Variants in SP140 observed in about 807,000 individuals in gnomAD.
SP140 encodes the protein nuclear body protein SP140.
SP140 carries 81 observed loss-of-function variants against 125.0 expected under a neutral mutation model. That is an observed-to-expected ratio of 0.65 (90% CI 0.54 to 0.78). SP140 has a LOEUF of 0.78. Among genes scored for constraint, SP140 ranks in the 30% least tolerant of loss-of-function variants. The pLI is 0.00. For synonymous variants in SP140, 312 were observed against 354.0 expected (o/e 0.88, Z 1.33); for missense variants, 858 against 1,037.0 (o/e 0.83, Z 2.37).
Position 230,294,275 on chromosome 2 carries a change from G to T in SP140, c.1973G>T (p.Gly658Val). The change falls in exon 21 of 27, where the codon GGA (glycine) becomes GTA (valine). Residue 658 changes from glycine to valine, a missense_variant. By Grantham distance (109) the Gly-to-Val change is moderately radical. Transcript: ENST00000392045. ...GWPLRWLMENGFLPDPPRIRY... is the reference protein window; with the variant it reads ...GWPLRWLMENVFLPDPPRIRY... ...CTGAATCTTTTTGTCTTTCAGAATG[G>T]ATTTCTGCCTGATCCTCCAAGAATA... 1 of 1,613,220 alleles carries T rather than the reference G, an allele frequency of 6.2e-7. No homozygotes were observed. Among genetic ancestry groups the T allele is most frequent in the Non-Finnish European group, 8.5e-7 (1 of 1,179,250 alleles).
At chr2:230,313,447 C>T (rs1377770219), downstream of SP140, among the ~76,000 whole-genome samples, 9 of 152,180 alleles carry the variant, frequency 5.9e-5, no homozygotes, top group South Asian at 6.2e-4. Context: ...AGTGACACCC[C>T]GTGGCCTGAG....
the SP140 span, among the ~76,000 whole-genome samples, chr2:230,192,707 A>G: frequency 1.3e-5 from 2 of 152,238 alleles, no homozygotes; most frequent in Admixed American, 6.5e-5. Flanking sequence ...CATACTGCCC[A>G]AAGTAATTTA....
At chr2:230,246,046 T>TATCC (rs1308884979) in intron 7 of SP140, 106 bp downstream of exon 7, 17 of 677,114 alleles carry the variant, frequency 2.5e-5, no homozygotes, top group Non-Finnish European at 4.0e-5. Flanking sequence ...TTCATCCATA[T>TATCC]ATCCATCCAT....
At chr2:230,314,987 T>C (rs1009964258), downstream of SP140, among the ~76,000 whole-genome samples, 2 of 152,190 alleles carry the variant, frequency 1.3e-5, no homozygotes, top group African/African-American at 4.8e-5. Context: ...GGGGCATGAA[T>C]GTTAGAGTGA....
At chr2:230,248,439 G>A (rs576193607) in intron 8 of SP140, among the ~76,000 whole-genome samples, 1 of 152,236 alleles carries the variant, frequency 6.6e-6, no homozygotes, top group East Asian at 1.9e-4. Context: ...TCCCGGAGGA[G>A]TGGACCAGGG....
At chr2:230,238,475 A>T (rs1340024324) in intron 3 of SP140, 94 bp downstream of exon 3, 3 of 1,208,880 alleles carry the variant, frequency 2.5e-6, no homozygotes, top group Non-Finnish European at 1.2e-6. Context: ...CAAATATTTG[A>T]CTGAGTGACT....
chr2:230,241,948 G>T (rs1428880177), intron 4 of SP140, among the ~76,000 whole-genome samples: 1 of 152,166 alleles, frequency 6.6e-6, no homozygotes, highest in African/African-American at 2.4e-5. Flanking sequence ...TAGTACTGTG[G>T]TCACAGTCCA....
intron 1 of SP140, among the ~76,000 whole-genome samples, chr2:230,229,969 A>G (rs984567586): frequency 2.0e-5 from 3 of 151,618 alleles, no homozygotes; most frequent in Non-Finnish European, 4.4e-5. Context: ...GCTTTTTTCA[A>G]TATTTTCTCT....
Position 230,284,363 on chromosome 2 carries a change from G to A in SP140, c.1516G>A (p.Gly506Ser), listed in dbSNP as rs982905819. Residue 506 changes from glycine to serine, a missense_variant, in exon 16 of 27, where the codon GGC becomes AGC. Gly to Ser is a moderately conservative substitution (Grantham distance 56). Around this residue, in one of 4 missense-constraint regions of SP140, gnomAD observed 791 missense variants for 869.5 expected, o/e 0.91. Coordinates refer to ENST00000392045, the MANE Select transcript of SP140 (RefSeq NM_007237.5). ...GTTTGAAGGAAAAAAGAGGGGGCAT[G>A]GCTGGAGCAGAATGAGAATGAGAAG... ...KRKRRKKRGH[G>S]WSRMRMRRQE... 1.2e-6 allele frequency: 2 copies of A among 1,606,802 alleles called. No homozygotes were observed. Among genetic ancestry groups the A allele is most frequent in the Non-Finnish European group, 1.7e-6 (2 of 1,176,706 alleles).
Position 230,239,229 on chromosome 2 carries a change from A to G in SP140, c.406+848A>G, listed in dbSNP as rs780023519. On this transcript the variant is annotated intron_variant, in intron 3 of 26. Transcript: ENST00000392045. ...AAATACTGTGCATGCCTCCTTTGGT[A>G]TCCATGAGGGATTGGTTTCAGGAAT... The G allele has an allele frequency of 1.2e-3, 319 of 258,500 alleles. 2 individuals carry two copies. Among genetic ancestry groups the G allele is most frequent in the Non-Finnish European group, 1.8e-3 (252 of 143,472 alleles). 16.0% of individuals were successfully genotyped at this position (258,500 alleles called of 1,614,324 possible).
At chr2:230,257,066 C>T (rs1349517912) in intron 12 of SP140, among the ~76,000 whole-genome samples, 1 of 152,076 alleles carries the variant, frequency 6.6e-6, no homozygotes, top group African/African-American at 2.4e-5. Context: ...TGGATGACTC[C>T]TTACAGGCTT....
chr2:230,210,201 CAG>C (rs1175311307), intron 1 of SP140, among the ~76,000 whole-genome samples: 1 of 152,210 alleles, frequency 6.6e-6, no homozygotes, highest in Non-Finnish European at 1.5e-5. Flanking sequence ...GCGACCATCA[CAG>C]GGAACTAGGG....
At chr2:230,243,238 C>T (rs9288662) in intron 4 of SP140, among the ~76,000 whole-genome samples, 73,324 of 152,008 alleles carry the variant, frequency 0.48, 17,886 homozygotes, top group South Asian at 0.54. Context: ...TCCATTTACC[C>T]TTCTCCAATC....
At chr2:230,245,181 CTT>C (rs1330101421) in intron 6 of SP140, 101 bp downstream of exon 6, 1 of 749,326 alleles carries the variant, frequency 1.3e-6, no homozygotes, top group Non-Finnish European at 2.2e-6. Context: ...CTGTAACACA[CTT>C]TTGTTCAGCC....
intron 3 of SP140, chr2:230,238,600 G>A (rs945496917): frequency 1.7e-5 from 13 of 760,824 alleles, no homozygotes; most frequent in Middle Eastern, 3.8e-4. Flanking sequence ...TCCTGCAAAT[G>A]GTTGCTCAGC....
At chr2:230,253,841 A>C (rs2050746268) in intron 11 of SP140, among the ~76,000 whole-genome samples, 1 of 152,242 alleles carries the variant, frequency 6.6e-6, no homozygotes, top group African/African-American at 2.4e-5. Flanking sequence ...TGCAATTGAG[A>C]AAAGTCATGT....
chr2:230,302,149 G>C (rs1274468790), intron 22 of SP140, among the ~76,000 whole-genome samples: 5 of 152,000 alleles, frequency 3.3e-5, no homozygotes, highest in African/African-American at 1.2e-4. Context: ...ACTTTGGGAG[G>C]CCGAGGTGGG....
Position 230,294,301 on chromosome 2 carries a change from C to T in SP140, c.1999C>T (p.Arg667Cys), listed in dbSNP as rs778717233. The T allele has an allele frequency of 4.7e-5, 75 of 1,610,962 alleles. No individual in the cohort carries two copies. The South Asian group carries it at 5.9e-4, about 13-fold the overall frequency. ...ATTTCTGCCTGATCCTCCAAGAATA[C>T]GTTACAGGAAAAAAAAGGTGATTAT... ...NGFLPDPPRI[R>C]YRKKKRILKS... The change falls in exon 21 of 27, where the codon CGT becomes TGT. Residue 667 changes from arginine to cysteine, a missense_variant. By Grantham distance (180) the Arg-to-Cys change is radical (BLOSUM62 -3). Around this residue, in one of 4 missense-constraint regions of SP140, gnomAD observed 791 missense variants for 869.5 expected, o/e 0.91. Transcript: ENST00000392045.
At chr2:230,199,213 T>TC (rs1179118482), upstream of SP140, among the ~76,000 whole-genome samples, 1 of 139,698 alleles carries the variant, frequency 7.2e-6, no homozygotes, top group African/African-American at 2.7e-5. Flanking sequence ...CTCTTTTTTT[T>TC]TTTTTTTTTT....
Sources: gnomAD v4.1 joint callset for allele counts (sites outside exome capture counted in the v4.1 genomes callset) on GRCh38, gnomAD v4.1.1 for gene constraint, gnomAD v4.1.1 regional missense constraint, MANE v1.5 for transcripts, NCBI Gene and HGNC (gene_info 2026-07-23, HGNC 2026-07-21) for gene names.